IQCH: variants seen among roughly 807,000 people sequenced by gnomAD.
The protein encoded by IQCH is IQ domain-containing protein H.
In IQCH, 98 loss-of-function variants were observed where a neutral mutation model predicts 117.0. The observed-to-expected ratio is 0.84, with a 90% confidence interval of 0.71 to 0.99. The LOEUF is 0.99. IQCH is among the 50% of genes least tolerant of loss of function. The pLI is 0.00. For synonymous variants in IQCH, 412 were observed against 448.2 expected (o/e 0.92, Z 1.02); for missense variants, 1,102 against 1,243.8 (o/e 0.89, Z 1.72).
At chr15:67,310,306 A>T (rs1392687297) in intron 4 of IQCH, among the ~76,000 whole-genome samples, 2 of 152,036 alleles carry the variant, frequency 1.3e-5, no homozygotes, top group African/African-American at 4.8e-5. Flanking sequence ...TTTCAGGCTT[A>T]CTCTGAGTGT....
At chr15:67,282,923 A>T (rs1165761454) in intron 4 of IQCH, among the ~76,000 whole-genome samples, 2 of 152,204 alleles carry the variant, frequency 1.3e-5, no homozygotes, top group Admixed American at 1.3e-4. Context: ...TTGAAAAAGC[A>T]TACTCAGAAA....
chr15:67,355,950 C>A (rs956471086), intron 6 of IQCH, among the ~76,000 whole-genome samples: 1 of 152,144 alleles, frequency 6.6e-6, no homozygotes, highest in African/African-American at 2.4e-5. Context: ...TTACTAAAAT[C>A]CTTTAAAAGT....
chr15:67,371,509 C>A, intron 8 of IQCH: 2 of 1,590,538 alleles, frequency 1.3e-6, no homozygotes, highest in South Asian at 1.1e-5. Context: ...GAACACGTGT[C>A]AAGAGAAACC....
chr15:67,278,369 C>T (rs552680542), intron 3 of IQCH, among the ~76,000 whole-genome samples: 58 of 152,314 alleles, frequency 3.8e-4, no homozygotes, highest in Admixed American at 9.8e-4. Flanking sequence ...AGATTCTCCT[C>T]CCTGCCCCCA....
chr15:67,313,317 A>C (rs28429363), intron 4 of IQCH, among the ~76,000 whole-genome samples: 44,927 of 152,012 alleles, frequency 0.3, 6,817 homozygotes, highest in South Asian at 0.37. Flanking sequence ...AAACCAAGTT[A>C]ACATAGGTAT....
chr15:67,363,564 C>T (rs1473917939), intron 8 of IQCH, among the ~76,000 whole-genome samples: 2 of 152,008 alleles, frequency 1.3e-5, no homozygotes, highest in Admixed American at 1.3e-4. Flanking sequence ...ATTTTTTCAA[C>T]TTTTAGGTTC....
Position 67,263,197 on chromosome 15 carries a change from A to T in IQCH, c.250A>T (p.Thr84Ser). ...TTSVNDESLY[T>S]PQASKWLLPT... ...TTCTGTTAATGATGAGAGCTTATAT[A>T]CTCCCCAGGCTTCCAAATGGTAAGT... The change falls in exon 3 of 21, where the codon ACT (threonine) becomes TCT (serine). Residue 84 changes from threonine (T) to serine (S), a missense_variant. Thr to Ser is a moderately conservative substitution (Grantham distance 58, BLOSUM62 1). Transcript: ENST00000335894. 1 of 1,562,662 alleles carries T rather than the reference A, an allele frequency of 6.4e-7. No homozygotes were observed.
intron 1 of IQCH, 136 bp from the exon 2 acceptor site, chr15:67,261,136 C>G (rs1409927122): frequency 2.0e-6 from 1 of 512,116 alleles, no homozygotes; most frequent in East Asian, 3.9e-5. Context: ...TAAAAGTGGT[C>G]CTTTTCAATG....
chr15:67,367,923 G>A (rs780558133), intron 8 of IQCH, among the ~76,000 whole-genome samples: 26 of 152,162 alleles, frequency 1.7e-4, no homozygotes, highest in Non-Finnish European at 3.1e-4. Flanking sequence ...AAGAAGATCT[G>A]CCAACTAGCT....
intron 16 of IQCH, among the ~76,000 whole-genome samples, chr15:67,444,861 T>C (rs751192884): frequency 6.6e-6 from 1 of 152,320 alleles, no homozygotes; most frequent in Admixed American, 6.5e-5. Context: ...GCTTTTTAAC[T>C]TAATTAAATA....
At position 67,427,261 on chromosome 15, in the gene IQCH, C is replaced by G. The variant is rs2081914240; in HGVS notation, c.2505+5684C>G. 6.6e-6 allele frequency among the ~76,000 whole-genome samples: 1 copy of G among 152,196 alleles called. No individual in the cohort carries two copies. Among genetic ancestry groups the G allele is most frequent in the African/African-American group, 2.4e-5 (1 of 41,440 alleles). On this transcript the variant is annotated intron_variant, in intron 16 of 20. Transcript: ENST00000335894. This position sits in a 1 kb window ranked among gnomAD's most constrained non-coding sequence, Gnocchi z 4.7. ...CTGCCATCTTCTTTGCCTACTCTAT[C>G]TGTGCCCTACCCCTCCATGCCTCAT...
intron 4 of IQCH, among the ~76,000 whole-genome samples, chr15:67,325,023 C>G (rs922860671): frequency 1.3e-5 from 2 of 152,042 alleles, no homozygotes; most frequent in Non-Finnish European, 2.9e-5. Flanking sequence ...TCTCTCCCTC[C>G]TCTCCTTCTG....
At chr15:67,498,679 T>A (rs2083894197) in intron 20 of IQCH, among the ~76,000 whole-genome samples, 1 of 151,770 alleles carries the variant, frequency 6.6e-6, no homozygotes, top group Non-Finnish European at 1.5e-5. Context: ...ACTGTAAAAC[T>A]CTCAGGAAAA....
Position 67,390,449 on chromosome 15 carries a change from T to G in IQCH, c.1632+1443T>G, listed in dbSNP as rs1030473232. Among the ~76,000 whole-genome samples the G allele has an allele frequency of 2.0e-5, 3 of 152,090 alleles. No individual in the cohort carries two copies. Among genetic ancestry groups the G allele is most frequent in the Non-Finnish European group, 4.4e-5 (3 of 67,992 alleles). On this transcript the variant is annotated intron_variant, in intron 12 of 20. Transcript: ENST00000335894. The surrounding 1 kb of genome is among the most constrained non-coding windows in gnomAD (Gnocchi z 5.0). ...GGCACTAGATTGGGGAGAAAAAAAG[T>G]GAGAAAACTAACATTTTTCAAATTC...
chr15:67,481,804 A>G lies in IQCH; in HGVS notation c.2799+5986A>G, dbSNP rs541488676. 6.6e-6 allele frequency among the ~76,000 whole-genome samples: 1 copy of G among 152,362 alleles called. No homozygotes were observed. Among genetic ancestry groups the G allele is most frequent in the Admixed American group, 6.5e-5 (1 of 15,306 alleles). Reference sequence around the variant, plus strand: ...TTGAAATCAAACAGATTAGAAACCAACTAAGTTCTTGAAAGAACTCAACAT... The same window carrying G: ...TTGAAATCAAACAGATTAGAAACCAGCTAAGTTCTTGAAAGAACTCAACAT... On this transcript the variant is annotated intron_variant, in intron 18 of 20. Transcript: ENST00000335894. This position sits in a 1 kb window ranked among gnomAD's most constrained non-coding sequence, Gnocchi z 4.1.
intron 6 of IQCH, among the ~76,000 whole-genome samples, chr15:67,352,141 C>T (rs1054272050): frequency 4.6e-5 from 7 of 151,438 alleles, no homozygotes; most frequent in Non-Finnish European, 8.8e-5. Flanking sequence ...CTTTTATATT[C>T]TTATTGTGAT....
At chr15:67,276,488 C>T (rs1806323995) in intron 3 of IQCH, among the ~76,000 whole-genome samples, 1 of 152,294 alleles carries the variant, frequency 6.6e-6, no homozygotes, top group Non-Finnish European at 1.5e-5. Context: ...TCCTTCCCTC[C>T]AAAGAATTTC....
In IQCH at chr15:67,421,423, C is replaced by T; in HGVS notation, c.2351C>T (p.Ser784Phe). 2 of 1,614,210 alleles carry T rather than the reference C, an allele frequency of 1.2e-6. No individual in the cohort carries two copies. Among genetic ancestry groups the T allele is most frequent in the African/African-American group, 1.3e-5 (1 of 75,058 alleles). ...CTTCATGCTGAAAGCCCCTTCATCTCCTCTGGTACCACCGTGCCTCAGACC... is the reference window on the plus strand; with the variant it reads ...CTTCATGCTGAAAGCCCCTTCATCTTCTCTGGTACCACCGTGCCTCAGACC... ...DQLHAESPFISSGTTVPQTSV... is the reference protein window; with the variant it reads ...DQLHAESPFIFSGTTVPQTSV... Residue 784 changes from serine to phenylalanine, a missense_variant, in exon 16 of 21, where the codon TCC becomes TTC. By Grantham distance (155) the Ser-to-Phe change is radical. Around this residue, in one of 2 missense-constraint regions of IQCH, gnomAD observed 650 missense variants for 794.3 expected, o/e 0.82. Transcript: ENST00000335894.
rs1260818503 is a variant in IQCH, at chr15:67,359,927, C to T, written c.753+42C>T. 1.3e-6 allele frequency: 2 copies of T among 1,490,930 alleles called. No homozygotes were observed. Among genetic ancestry groups the T allele is most frequent in the African/African-American group, 1.4e-5 (1 of 72,412 alleles). 92.4% of individuals were successfully genotyped at this position (1,490,930 alleles called of 1,614,324 possible). A position where few individuals can be genotyped will look rare whatever the true frequency, so the allele number is the denominator to read the frequency against. Reference sequence around the variant, plus strand: ...ACTAGTTGAAATTTAGGGTCTGTCACCTGATGTCCCTTCCTTTTGCTGCAG... The same window carrying T: ...ACTAGTTGAAATTTAGGGTCTGTCATCTGATGTCCCTTCCTTTTGCTGCAG... On this transcript the variant is annotated intron_variant, in intron 8 of 20. Coordinates refer to ENST00000335894, the MANE Select transcript of IQCH (RefSeq NM_001031715.3). This position sits in a 1 kb window ranked among gnomAD's most constrained non-coding sequence, Gnocchi z 4.5.
Sources: gnomAD v4.1 joint callset for allele counts (sites outside exome capture counted in the v4.1 genomes callset) on GRCh38, gnomAD v4.1.1 for gene constraint, gnomAD v4.1.1 regional missense constraint, Gnocchi (gnomAD v3.1) non-coding constraint, MANE v1.5 for transcripts, NCBI Gene and HGNC (gene_info 2026-07-23, HGNC 2026-07-21) for gene names.